The following LIN28B variants were observed in gnomAD, a reference collection of about 807,000 sequenced individuals.
LIN28B encodes the protein lin-28 RNA binding posttranscriptional regulator B.
In LIN28B, 5 loss-of-function variants were observed where a neutral mutation model predicts 21.9. That is an observed-to-expected ratio of 0.23 (90% CI 0.12 to 0.48). The LOEUF (loss-of-function observed/expected upper bound fraction) is 0.48, where lower values mean the gene tolerates loss of function less well. LIN28B is among the 20% of genes least tolerant of loss of function. The pLI is 0.98. For synonymous variants in LIN28B, 109 were observed against 111.3 expected, an observed-to-expected ratio of 0.98 and a Z score of 0.13; for missense variants, 245 against 310.5, an observed-to-expected ratio of 0.79 and a Z score of 1.58.
At chr6:105,060,204 T>C (rs1562110530) in intron 3 of LIN28B, among the ~76,000 whole-genome samples, 1 of 151,996 alleles carries the variant, frequency 6.6e-6, no homozygotes, top group Non-Finnish European at 1.5e-5. Context: ...TGCCCAGCCT[T>C]TTACTCTGTT....
upstream of LIN28B, chr6:104,956,916 A>G (rs1477086225): frequency 2.5e-6 from 1 of 402,466 alleles, no homozygotes; most frequent in East Asian, 5.4e-5. Context: ...TCTTTAAGAT[A>G]ACATGTTTGA....
chr6:104,967,509 A>G (rs1769885606), intron 2 of LIN28B, among the ~76,000 whole-genome samples: 1 of 133,110 alleles, frequency 7.5e-6, no homozygotes, highest in Non-Finnish European at 1.5e-5. Flanking sequence ...TGAACCCGGG[A>G]GGTGGAGGTT....
At chr6:105,025,738 T>G (rs2114339689) in intron 2 of LIN28B, among the ~76,000 whole-genome samples, 1 of 152,040 alleles carries the variant, frequency 6.6e-6, no homozygotes, top group South Asian at 2.1e-4. Context: ...GTGAGTCCCA[T>G]ATCAAAAATA....
At chr6:105,061,880 C>T (rs1157119807) in intron 3 of LIN28B, among the ~76,000 whole-genome samples, 1 of 151,522 alleles carries the variant, frequency 6.6e-6, no homozygotes, top group Non-Finnish European at 1.5e-5. Flanking sequence ...TTTTTTTCTA[C>T]TGTAAGATGA....
chr6:104,939,943 G>C (rs368749856), intron 2 of LIN28B, among the ~76,000 whole-genome samples: 1 of 152,172 alleles, frequency 6.6e-6, no homozygotes. Context: ...AGGAGAGAAA[G>C]CAGTGATATT....
At chr6:104,953,085 G>C (rs933880990), upstream of LIN28B, among the ~76,000 whole-genome samples, 1 of 152,254 alleles carries the variant, frequency 6.6e-6, no homozygotes. Context: ...GCGGCGGAAG[G>C]AATCAGGACA....
chr6:104,973,147 G>A (rs1043102976), intron 2 of LIN28B, among the ~76,000 whole-genome samples: 2 of 151,778 alleles, frequency 1.3e-5, no homozygotes, highest in Non-Finnish European at 2.9e-5. Flanking sequence ...TGATGTTTGG[G>A]AAATTGTCTT....
At chr6:104,985,647 A>G (rs763182814) in intron 2 of LIN28B, among the ~76,000 whole-genome samples, 5 of 152,092 alleles carry the variant, frequency 3.3e-5, no homozygotes, top group Non-Finnish European at 5.9e-5. Context: ...TATATTTTAT[A>G]TTATATGTCA....
At chr6:104,979,368 C>G (rs375884976) in intron 2 of LIN28B, among the ~76,000 whole-genome samples, 8 of 151,868 alleles carry the variant, frequency 5.3e-5, no homozygotes, top group African/African-American at 1.9e-4. Context: ...CCACCACGCC[C>G]GGCTAATTTT....
At chr6:105,028,015 C>G (rs139331953) in intron 3 of LIN28B, among the ~76,000 whole-genome samples, 2 of 152,280 alleles carry the variant, frequency 1.3e-5, no homozygotes, top group African/African-American at 2.4e-5. Context: ...ATACACTTAG[C>G]TATTAAAGTG....
At chr6:104,991,379 C>T (rs1240197140) in intron 2 of LIN28B, among the ~76,000 whole-genome samples, 6 of 115,828 alleles carry the variant, frequency 5.2e-5, no homozygotes, top group East Asian at 2.7e-4. Flanking sequence ...CAGACGGGGT[C>T]GCGGCCGGGC....
At chr6:105,024,680 T>TAGTGC (rs1341331495) in intron 2 of LIN28B, among the ~76,000 whole-genome samples, 1 of 152,234 alleles carries the variant, frequency 6.6e-6, no homozygotes, top group Non-Finnish European at 1.5e-5. Context: ...TGACCTGCAC[T>TAGTGC]AGAAGCAGGT....
At chr6:105,061,855 T>C (rs966520288) in intron 3 of LIN28B, among the ~76,000 whole-genome samples, 12 of 152,088 alleles carry the variant, frequency 7.9e-5, no homozygotes, top group Non-Finnish European at 1.3e-4. Context: ...ACATAAACTT[T>C]GAAACTTAGG....
rs78817289 is a variant in LIN28B at position 105,063,645 on chromosome 6, G to T, written c.384-14769G>T. ...AGCAAGACTCCATCTCGGGGGGGGG[G>T]GGGAAAAAAAGGTAAAGTAAAGGAT... On this transcript the variant is annotated intron_variant, in intron 3 of 3. Transcript: ENST00000345080. 2.1e-4 allele frequency among the ~76,000 whole-genome samples: 29 copies of T among 135,168 alleles called. No individual in the cohort carries two copies. The East Asian group carries it at 4.1e-3, about 19-fold the overall frequency. The allele number at this position is 135,168 out of a possible 152,430, so 88.7% of individuals were successfully genotyped here. A position where few individuals can be genotyped will look rare whatever the true frequency, so the allele number is the denominator to read the frequency against.
chr6:104,994,761 A>G (rs1272250179), intron 2 of LIN28B, among the ~76,000 whole-genome samples: 1 of 152,200 alleles, frequency 6.6e-6, no homozygotes, highest in African/African-American at 2.4e-5. Context: ...GGATGAGAGG[A>G]CGGTGTGAGA....
At chr6:104,953,316 G>A (rs935238862), upstream of LIN28B, among the ~76,000 whole-genome samples, 1 of 152,192 alleles carries the variant, frequency 6.6e-6, no homozygotes, top group African/African-American at 2.4e-5. Flanking sequence ...TGGCCCGGTG[G>A]GGGTGGGGGT....
chr6:104,966,455 T>G (rs972973479), intron 2 of LIN28B, among the ~76,000 whole-genome samples: 2 of 151,738 alleles, frequency 1.3e-5, no homozygotes, highest in Admixed American at 1.3e-4. Flanking sequence ...ATTATAAGAG[T>G]TTTTCTGGTT....
chr6:104,976,571 G>C (rs1770098229), intron 2 of LIN28B, among the ~76,000 whole-genome samples: 1 of 152,204 alleles, frequency 6.6e-6, no homozygotes, highest in Non-Finnish European at 1.5e-5. Flanking sequence ...AGTTCCCACA[G>C]AGTGTAAAGT....
At chr6:104,955,050 AT>A (rs748017916), upstream of LIN28B, among the ~76,000 whole-genome samples, 5 of 152,104 alleles carry the variant, frequency 3.3e-5, no homozygotes, top group East Asian at 5.8e-4. Context: ...ACTTTCTGAG[AT>A]TTTTTTCCTC....
Sources: gnomAD v4.1 joint callset for allele counts (sites outside exome capture counted in the v4.1 genomes callset) on GRCh38, gnomAD v4.1.1 for gene constraint, MANE v1.5 for transcripts, NCBI Gene and HGNC (gene_info 2026-07-23, HGNC 2026-07-21) for gene names.